TIE1: variants seen among roughly 807,000 people sequenced by gnomAD.
TIE1 encodes the protein tyrosine kinase with immunoglobulin like and EGF like domains 1, also known as tyrosine-protein kinase receptor Tie-1.
Under a neutral mutation model 130.5 loss-of-function variants are expected in TIE1, and 89 were observed. That is an observed-to-expected ratio of 0.68 (90% CI 0.57 to 0.81). TIE1 has a LOEUF of 0.81. TIE1 is among the 40% of genes least tolerant of loss of function. TIE1 has a pLI of 0.00. For synonymous variants in TIE1, 568 were observed against 629.4 expected (o/e 0.90, Z 1.46); for missense variants, 1,392 against 1,559.8 (o/e 0.89, Z 1.81).
At chr1:43,311,947 A>C (rs1171846337) in intron 10 of TIE1, 47 bp from the exon 11 acceptor site, 1 of 1,561,538 alleles carries the variant, frequency 6.4e-7, no homozygotes, top group East Asian at 2.3e-5. Flanking sequence ...GGCAGCTTCT[A>C]GAAGAGGTGG....
At position 43,301,081 on chromosome 1, in the gene TIE1, C is replaced by T. The variant is rs747480920; in HGVS notation, c.10C>T (p.Arg4Trp). Residue 4 changes from arginine (R) to tryptophan (W), a missense_variant, in exon 1 of 23, where the codon CGG becomes TGG. By Grantham distance (101) the Arg-to-Trp change is moderately radical (BLOSUM62 -3). Transcript: ENST00000372476. ...GGTCGGCCTCTGGAGTATGGTCTGGCGGGTGCCCCCTTTCTTGCTCCCCAT... is the reference window on the plus strand; with the variant it reads ...GGTCGGCCTCTGGAGTATGGTCTGGTGGGTGCCCCCTTTCTTGCTCCCCAT... MVWRVPPFLLPILF... is the reference protein window; with the variant it reads MVWWVPPFLLPILF... 17 of 1,613,828 alleles carry T rather than the reference C, an allele frequency of 1.1e-5. No individual in the cohort carries two copies. The East Asian group carries it at 1.8e-4, about 17-fold the overall frequency.
rs1570451748 is a variant in TIE1 at position 43,318,958 on chromosome 1, G to T, written c.2923-277G>T. Among the ~76,000 whole-genome samples, 1 of 152,210 alleles carries T rather than the reference G, an allele frequency of 6.6e-6. No individual in the cohort carries two copies. Among genetic ancestry groups the T allele is most frequent in the East Asian group, 1.9e-4 (1 of 5,194 alleles). On this transcript the variant is annotated intron_variant, in intron 17 of 22. Transcript: ENST00000372476. The surrounding 1 kb of genome is among the most constrained non-coding windows in gnomAD (Gnocchi z 4.4). ...GAACCCAGGGGATGGGAAGAGGGAG[G>T]GGGAGAAGCATGGAAAGAGGAGAAG...
rs768423084 is a variant in TIE1 at position 43,306,814 on chromosome 1, G to T, written c.485-26G>T. 3.8e-6 allele frequency: 6 copies of T among 1,588,782 alleles called. No homozygotes were observed. In the Admixed American group the frequency reaches 6.9e-5, roughly 18 times the overall value. The stretch of plus-strand genomic sequence containing the variant: ...GACACAGCCCTCATGTAGTGCTGAG[G>T]CCCCTGACACATTCATGTCCCCCAG... On this transcript the variant is annotated intron_variant, in intron 3 of 22. Transcript: ENST00000372476. The surrounding 1 kb of genome is among the most constrained non-coding windows in gnomAD (Gnocchi z 4.9).
rs370372773 is a variant in TIE1, at chr1:43,320,767, A to C, written c.3108-502A>C. On this transcript the variant is annotated intron_variant, in intron 19 of 22. Coordinates refer to ENST00000372476, the MANE Select transcript of TIE1 (RefSeq NM_005424.5). ...CTACTTGGGAGGCTGAGGCAGGAGA[A>C]TGGCGTGAACCCAGGAGGCAGAGCT... 11 of 152,364 alleles carry C rather than the reference A, an allele frequency of 7.2e-5. No individual in the cohort carries two copies. In the East Asian group the frequency reaches 1.7e-3, roughly 24 times the overall value. The allele number at this position is 152,364 out of a possible 1,614,324, so 9.4% of individuals were successfully genotyped here. A position where few individuals can be genotyped will look rare whatever the true frequency, so the allele number is the denominator to read the frequency against.
Position 43,309,164 on chromosome 1 carries a change from C to T in TIE1, c.1188+33C>T, listed in dbSNP as rs375194427. Reference sequence around the variant, plus strand: ...CCCAATCACCCCAACCCACCAGCCCCTCAGGCCGCCTGCTTCACAGCTGAT... The same window carrying T: ...CCCAATCACCCCAACCCACCAGCCCTTCAGGCCGCCTGCTTCACAGCTGAT... On this transcript the variant is annotated intron_variant, in intron 8 of 22. Transcript: ENST00000372476. The surrounding 1 kb of genome is among the most constrained non-coding windows in gnomAD (Gnocchi z 6.3). 3 of 1,560,340 alleles carry T rather than the reference C, an allele frequency of 1.9e-6. No individual in the cohort carries two copies. In the African/African-American group the frequency reaches 4.1e-5, roughly 21 times the overall value.
rs539733682 is a variant in TIE1, at chr1:43,305,438, T to G, written c.484+95T>G. On this transcript the variant is annotated intron_variant, in intron 3 of 22. Coordinates refer to ENST00000372476, the MANE Select transcript of TIE1 (RefSeq NM_005424.5). ...CCATGGGACCCTCAGCTTTGGCCCCTGACACACCCGACCTCCAGGGCCTCT... is the reference window on the plus strand; with the variant it reads ...CCATGGGACCCTCAGCTTTGGCCCCGGACACACCCGACCTCCAGGGCCTCT... 8.1e-4 allele frequency: 968 copies of G among 1,201,044 alleles called. 9 individuals carry two copies. In the African/African-American group the frequency reaches 0.013, roughly 17 times the overall value. The allele number at this position is 1,201,044 out of a possible 1,614,324, so 74.4% of individuals were successfully genotyped here.
rs1646870463 is a variant in TIE1, at chr1:43,317,492, A to G, written c.2621-72A>G. On this transcript the variant is annotated intron_variant, in intron 15 of 22. Coordinates refer to ENST00000372476, the MANE Select transcript of TIE1 (RefSeq NM_005424.5). The surrounding 1 kb of genome is among the most constrained non-coding windows in gnomAD (Gnocchi z 5.1). The stretch of plus-strand genomic sequence containing the variant: ...AGGCCCCACCTGGCTTCCTCCAGCA[A>G]TTGACCCCAGCCCTTGCCAGCCCTT... The G allele has an allele frequency of 5.0e-6, 8 of 1,609,248 alleles. No individual in the cohort carries two copies. In the South Asian group the frequency reaches 7.7e-5, roughly 15 times the overall value.
Position 43,306,846 on chromosome 1 carries a change from A to G in TIE1, c.491A>G (p.Tyr164Cys). 6.2e-7 allele frequency: 1 copy of G among 1,610,814 alleles called. No homozygotes were observed. The highest frequency in any genetic ancestry group is 8.5e-7 in the Non-Finnish European group (1 of 1,178,434). ...TDVIWKSNGS[Y>C]FYTLDWHEAQ... is the part of the protein sequence containing the mutation. ...ACACATTCATGTCCCCCAGGATCCT[A>G]CTTCTACACCCTGGACTGGCATGAA... Residue 164 changes from tyrosine to cysteine, a missense_variant, in exon 4 of 23, where the codon TAC (tyrosine) becomes TGC (cysteine). Around this residue, in one of 6 missense-constraint regions of TIE1, gnomAD observed 415 missense variants for 424.8 expected, o/e 0.98. Transcript: ENST00000372476. This position sits in a 1 kb window ranked among gnomAD's most constrained non-coding sequence, Gnocchi z 4.9.
chr1:43,321,570 C>T (rs1195242771), intron 21 of TIE1, 46 bp from the exon 22 acceptor site: 2 of 1,555,240 alleles, frequency 1.3e-6, no homozygotes, highest in Non-Finnish European at 1.7e-6. Context: ...GTGACCCCAT[C>T]ACCCCAGCTG....
chr1:43,312,643 C>T lies in TIE1; in HGVS notation c.1927+42C>T, dbSNP rs146939163. 1.2e-4 allele frequency: 191 copies of T among 1,554,222 alleles called. 1 individual carries two copies. The East Asian group carries it at 3.9e-3, about 32-fold the overall frequency. ...AGGATAGCTGGGGGTTGGGGGAGGA[C>T]GTGGGACACAGGGACACATGAGACC... On this transcript the variant is annotated intron_variant, in intron 12 of 22. Transcript: ENST00000372476. The surrounding 1 kb of genome is among the most constrained non-coding windows in gnomAD (Gnocchi z 5.6).
Position 43,319,293 on chromosome 1 carries a change from A to C in TIE1, c.2981A>C (p.Lys994Thr). 6.2e-7 allele frequency: 1 copy of C among 1,613,964 alleles called. No homozygotes were observed. The highest frequency in any genetic ancestry group is 1.6e-4 in the Middle Eastern group (1 of 6,062). ...NVLVGENLAS[K>T]IADFGLSRGE... ...CTGGTCGGAGAGAACCTAGCCTCCA[A>C]GATTGCAGACTTCGGCCTTTCTCGG... The change falls in exon 18 of 23, where the codon AAG becomes ACG. Residue 994 changes from lysine to threonine, a missense_variant. Physicochemically the swap from Lys to Thr is moderately conservative, Grantham distance 78. Coordinates refer to ENST00000372476, the MANE Select transcript of TIE1 (RefSeq NM_005424.5). The surrounding 1 kb of genome is among the most constrained non-coding windows in gnomAD (Gnocchi z 4.7).
chr1:43,313,446 G>A lies in TIE1; in HGVS notation c.2218+21G>A. 2 of 1,612,814 alleles carry A rather than the reference G, an allele frequency of 1.2e-6. No individual in the cohort carries two copies. Among genetic ancestry groups the A allele is most frequent in the South Asian group, 1.1e-5 (1 of 91,036 alleles). ...CAACGGTGAGAGGGCAGGGCCCACAGGACCCCCCGGGCTCTGAGCGGGGAG... is the reference window on the plus strand; with the variant it reads ...CAACGGTGAGAGGGCAGGGCCCACAAGACCCCCCGGGCTCTGAGCGGGGAG... On this transcript the variant is annotated intron_variant, in intron 13 of 22. Coordinates refer to ENST00000372476, the MANE Select transcript of TIE1 (RefSeq NM_005424.5). This position sits in a 1 kb window ranked among gnomAD's most constrained non-coding sequence, Gnocchi z 6.2.
At position 43,301,113 on chromosome 1, in the gene TIE1, C is replaced by G; in HGVS notation, c.42C>G (p.Phe14Leu). 6.2e-7 allele frequency: 1 copy of G among 1,613,924 alleles called. No individual in the cohort carries two copies. The highest frequency in any genetic ancestry group is 2.2e-5 in the East Asian group (1 of 44,862). ...RVPPFLLPIL[F>L]LASHVGAAVD... ...CCCCTTTCTTGCTCCCCATCCTCTT[C>G]TTGGCTTCTCATGTGGGTAAGTCTC... The change falls in exon 1 of 23, where the codon TTC (phenylalanine) becomes TTG (leucine). Residue 14 changes from phenylalanine to leucine, a missense_variant. Phe to Leu is a conservative substitution (Grantham distance 22). This residue lies in a region of TIE1 where 415 missense variants were observed against 424.8 expected (regional missense o/e 0.98). Coordinates refer to ENST00000372476, the MANE Select transcript of TIE1 (RefSeq NM_005424.5).
Position 43,312,364 on chromosome 1 carries a change from G to A in TIE1, c.1690G>A (p.Val564Met), listed in dbSNP as rs146130736. The change falls in exon 12 of 23, where the codon GTG becomes ATG. Residue 564 changes from valine to methionine, a missense_variant. Around this residue, in one of 6 missense-constraint regions of TIE1, gnomAD observed 551 missense variants for 565.5 expected, o/e 0.97. Coordinates refer to ENST00000372476, the MANE Select transcript of TIE1 (RefSeq NM_005424.5). The surrounding 1 kb of genome is among the most constrained non-coding windows in gnomAD (Gnocchi z 5.6). ...WHVEGTDRLR[V>M]SWSLPLVPGP... Reference sequence around the variant, plus strand: ...TGTGGAAGGCACTGACCGGCTGCGAGTGAGCTGGTCCTTGCCCTTGGTGCC... The same window carrying A: ...TGTGGAAGGCACTGACCGGCTGCGAATGAGCTGGTCCTTGCCCTTGGTGCC... 1.4e-5 allele frequency: 22 copies of A among 1,585,258 alleles called. No homozygotes were observed. In the African/African-American group the frequency reaches 2.3e-4, roughly 16 times the overall value.
intron 7 of TIE1, 41 bp from the exon 8 acceptor site, chr1:43,308,945 G>GC: frequency 6.2e-7 from 1 of 1,613,808 alleles, no homozygotes; most frequent in Non-Finnish European, 8.5e-7. Flanking sequence ...TCACGTGTCT[G>GC]CCCCTGTGGG....
Position 43,307,473 on chromosome 1 carries a change from T to A in TIE1, c.814T>A (p.Cys272Ser). The A allele has an allele frequency of 1.2e-6, 2 of 1,614,180 alleles. No individual in the cohort carries two copies. The highest frequency in any genetic ancestry group is 8.5e-7 in the Non-Finnish European group (1 of 1,180,026). ...GRFGQSCQEQ[C>S]PGISGCRGLT... ...TTTTGGGCAGAGCTGCCAGGAGCAG[T>A]GCCCAGGCATATCAGGCTGCCGGGG... The change falls in exon 6 of 23, where the codon TGC becomes AGC. Residue 272 changes from cysteine to serine, a missense_variant. By Grantham distance (112) the Cys-to-Ser change is moderately radical. Transcript: ENST00000372476. This position sits in a 1 kb window ranked among gnomAD's most constrained non-coding sequence, Gnocchi z 5.4.
intron 1 of TIE1, 112 bp downstream of exon 1, chr1:43,301,241 G>T: frequency 8.4e-7 from 1 of 1,184,302 alleles, no homozygotes; most frequent in Non-Finnish European, 1.2e-6. Flanking sequence ...GTTGCCATGG[G>T]CTGCAGGGAG....
chr1:43,317,831 C>T lies in TIE1; in HGVS notation c.2732-51C>T, dbSNP rs772942017. ...TGTTACCATCGGGTGCCTGCTCCCACCCTAGGTTGCCTGTGTCTAAATCAC... is the reference window on the plus strand; with the variant it reads ...TGTTACCATCGGGTGCCTGCTCCCATCCTAGGTTGCCTGTGTCTAAATCAC... On this transcript the variant is annotated intron_variant, in intron 16 of 22. Coordinates refer to ENST00000372476, the MANE Select transcript of TIE1 (RefSeq NM_005424.5). This position sits in a 1 kb window ranked among gnomAD's most constrained non-coding sequence, Gnocchi z 5.1. The T allele has an allele frequency of 1.3e-5, 21 of 1,599,824 alleles. No homozygotes were observed. Among genetic ancestry groups the T allele is most frequent in the Non-Finnish European group, 1.7e-5 (20 of 1,169,232 alleles).
Position 43,317,392 on chromosome 1 carries a change from C to A in TIE1, c.2603C>A (p.Ala868Asp). The change falls in exon 15 of 23, where the codon GCC (alanine) becomes GAC (aspartate). Residue 868 changes from alanine (A) to aspartate (D), a missense_variant. Physicochemically the swap from Ala to Asp is moderately radical, Grantham distance 126. Transcript: ENST00000372476. The surrounding 1 kb of genome is among the most constrained non-coding windows in gnomAD (Gnocchi z 5.1). Reference sequence around the variant, plus strand: ...AAGGACGGGCTGAAGATGAACGCAGCCATCAAAATGCTGAAAGGTCCACTG... The same window carrying A: ...AAGGACGGGCTGAAGATGAACGCAGACATCAAAATGCTGAAAGGTCCACTG... ...IKKDGLKMNA[A>D]IKMLKEYASE... 6.2e-7 allele frequency: 1 copy of A among 1,614,086 alleles called. No individual in the cohort carries two copies. Among genetic ancestry groups the A allele is most frequent in the Non-Finnish European group, 8.5e-7 (1 of 1,180,020 alleles).
Sources: gnomAD v4.1 joint callset for allele counts (sites outside exome capture counted in the v4.1 genomes callset) on GRCh38, gnomAD v4.1.1 for gene constraint, gnomAD v4.1.1 regional missense constraint, Gnocchi (gnomAD v3.1) non-coding constraint, MANE v1.5 for transcripts, NCBI Gene and HGNC (gene_info 2026-07-23, HGNC 2026-07-21) for gene names.